CAP2: variants seen among roughly 807,000 people sequenced by gnomAD.
CAP2 encodes the protein adenylyl cyclase-associated protein 2.
Under a neutral mutation model 57.7 loss-of-function variants are expected in CAP2, and 24 were observed. The observed-to-expected ratio is 0.42, with a 90% confidence interval of 0.30 to 0.58. The LOEUF (loss-of-function observed/expected upper bound fraction) is 0.58, where lower values mean the gene tolerates loss of function less well. Among genes scored for constraint, CAP2 ranks in the 20% least tolerant of loss-of-function variants. The pLI is 0.22. For missense variants in CAP2, 501 were observed against 590.3 expected (o/e 0.85, Z 1.57); for synonymous variants, 194 against 207.2 (o/e 0.94, Z 0.55).
At chr6:17,409,598 C>A (rs796067656) in intron 1 of CAP2, among the ~76,000 whole-genome samples, 1 of 152,104 alleles carries the variant, frequency 6.6e-6, no homozygotes, top group East Asian at 1.9e-4. Context: ...TCCCAAGAAT[C>A]CTGAGGCATG....
chr6:17,426,743 GC>G, intron 3 of CAP2, 53 bp downstream of exon 3: 1 of 1,203,218 alleles, frequency 8.3e-7, no homozygotes, highest in South Asian at 1.2e-5. Flanking sequence ...TACCAGCCCA[GC>G]CTCTGACAAC....
chr6:17,507,396 C>T, intron 5 of CAP2, 84 bp downstream of exon 5: 1 of 1,368,966 alleles, frequency 7.3e-7, no homozygotes, highest in Non-Finnish European at 1.0e-6. Flanking sequence ...TACCTTCACG[C>T]TCCTTGCACT....
At chr6:17,541,592 T>C (rs1450826916) in intron 9 of CAP2, among the ~76,000 whole-genome samples, 2 of 152,042 alleles carry the variant, frequency 1.3e-5, no homozygotes, top group Non-Finnish European at 2.9e-5. Flanking sequence ...AAAAAAAGAA[T>C]GGGTAATGAT....
At chr6:17,408,567 G>C (rs4716141) in intron 1 of CAP2, among the ~76,000 whole-genome samples, 33,117 of 151,632 alleles carry the variant, frequency 0.22, 4,186 homozygotes, top group South Asian at 0.29. Context: ...ATTCCAGAGA[G>C]ACAAGGCATT....
intron 4 of CAP2, among the ~76,000 whole-genome samples, chr6:17,498,971 C>T (rs1332163139): frequency 3.9e-5 from 6 of 151,914 alleles, no homozygotes; most frequent in East Asian, 1.9e-4. Flanking sequence ...CCTCGTGATC[C>T]GCCCTCCTCG....
chr6:17,484,416 T>A (rs1561800280), intron 4 of CAP2, among the ~76,000 whole-genome samples: 1 of 152,176 alleles, frequency 6.6e-6, no homozygotes, highest in Non-Finnish European at 1.5e-5. Flanking sequence ...TTGTCAGACA[T>A]ACGCTGTGCA....
At chr6:17,487,545 C>G (rs965854214) in intron 4 of CAP2, among the ~76,000 whole-genome samples, 1 of 152,214 alleles carries the variant, frequency 6.6e-6, no homozygotes, top group African/African-American at 2.4e-5. Context: ...TCTTGGCTCA[C>G]TGCAACCTCC....
At chr6:17,544,124 C>CA (rs370684072) in intron 11 of CAP2, among the ~76,000 whole-genome samples, 76,354 of 106,822 alleles carry the variant, frequency 0.71, 27,507 homozygotes, top group East Asian at 0.85. Flanking sequence ...GACTCTGTCT[C>CA]AAAAAAAAAA....
chr6:17,514,062 G>A, intron 7 of CAP2, 108 bp downstream of exon 7: 1 of 751,944 alleles, frequency 1.3e-6, no homozygotes, highest in South Asian at 1.6e-5. Context: ...GAAAATGTAA[G>A]ATTAAATGTC....
chr6:17,500,368 T>TATATATATATATATATATATATTTGGAG (rs1561806361), intron 4 of CAP2, among the ~76,000 whole-genome samples: 7 of 105,286 alleles, frequency 6.6e-5, no homozygotes, highest in African/African-American at 2.4e-4. Context: ...TATATATATA[T>TATATATATATATATATATATATTTGGAG]ATATATATAT....
chr6:17,399,299 G>A (rs1758749833), intron 1 of CAP2, among the ~76,000 whole-genome samples: 1 of 152,122 alleles, frequency 6.6e-6, no homozygotes, highest in Non-Finnish European at 1.5e-5. Context: ...CTGACCTCAG[G>A]TAATGCACCT....
At chr6:17,492,628 A>T (rs1761571868) in intron 4 of CAP2, among the ~76,000 whole-genome samples, 1 of 152,182 alleles carries the variant, frequency 6.6e-6, no homozygotes, top group Non-Finnish European at 1.5e-5. Flanking sequence ...CTCCGTTCTG[A>T]TCAGCTGCTA....
chr6:17,450,955 T>G (rs1760386041), intron 3 of CAP2, among the ~76,000 whole-genome samples: 1 of 152,210 alleles, frequency 6.6e-6, no homozygotes, highest in Non-Finnish European at 1.5e-5. Context: ...TAAATTAACT[T>G]GTCTTTACGA....
intron 4 of CAP2, among the ~76,000 whole-genome samples, chr6:17,486,180 C>G (rs772323310): frequency 1.3e-5 from 2 of 151,634 alleles, no homozygotes; most frequent in Non-Finnish European, 2.9e-5. Context: ...CCCCATCTCT[C>G]AAAAAAATAC....
intron 12 of CAP2, among the ~76,000 whole-genome samples, chr6:17,555,960 T>C (rs1043675092): frequency 3.3e-5 from 5 of 152,188 alleles, no homozygotes; most frequent in Non-Finnish European, 7.4e-5. Context: ...ATTTGAATTC[T>C]AGCTGCGCTG....
At chr6:17,531,561 C>T in intron 7 of CAP2, 1 of 1,542,428 alleles carries the variant, frequency 6.5e-7, no homozygotes, top group Non-Finnish European at 8.9e-7. Context: ...ATCTTCAGCT[C>T]TGCGAAATTC....
chr6:17,524,475 C>T (rs917145875), intron 7 of CAP2, among the ~76,000 whole-genome samples: 3 of 152,136 alleles, frequency 2.0e-5, no homozygotes, highest in Admixed American at 6.5e-5. Flanking sequence ...GGTGAGCCAG[C>T]GGTGTTAGAC....
intron 3 of CAP2, among the ~76,000 whole-genome samples, chr6:17,437,601 G>A (rs1759928798): frequency 6.6e-6 from 1 of 152,134 alleles, no homozygotes; most frequent in Non-Finnish European, 1.5e-5. Flanking sequence ...GTCACAGGCT[G>A]GGCGTGGTGG....
Position 17,450,728 on chromosome 6 carries a change from T to G in CAP2, c.223-12268T>G, listed in dbSNP as rs1009430714. Among the ~76,000 whole-genome samples, 4 of 152,214 alleles carry G rather than the reference T, an allele frequency of 2.6e-5. 1 individual carries two copies. Among genetic ancestry groups the G allele is most frequent in the Non-Finnish European group, 5.9e-5 (4 of 68,038 alleles). ...ACCTACTCATCTTTCCTTCCCAGATTGCAAAACTATTTAGCCTTATTCAAT... is the reference window on the plus strand; with the variant it reads ...ACCTACTCATCTTTCCTTCCCAGATGGCAAAACTATTTAGCCTTATTCAAT... On this transcript the variant is annotated intron_variant, in intron 3 of 12. Transcript: ENST00000229922.
Sources: gnomAD v4.1 joint callset for allele counts (sites outside exome capture counted in the v4.1 genomes callset) on GRCh38, gnomAD v4.1.1 for gene constraint, MANE v1.5 for transcripts, NCBI Gene and HGNC (gene_info 2026-07-23, HGNC 2026-07-21) for gene names.